PCDHA4: variants seen among roughly 807,000 people sequenced by gnomAD.
PCDHA4 encodes the protein protocadherin alpha-4.
PCDHA4 carries 49 observed loss-of-function variants against 61.4 expected under a neutral mutation model. The observed-to-expected ratio is 0.80, with a 90% confidence interval of 0.63 to 1.01. The LOEUF (loss-of-function observed/expected upper bound fraction) is 1.01. Among genes scored for constraint, PCDHA4 ranks in the 50% least tolerant of loss-of-function variants. The pLI is 0.00. For synonymous variants in PCDHA4, 590 were observed against 550.3 expected (o/e 1.07, Z -1.01); for missense variants, 1,254 against 1,235.8 (o/e 1.01, Z -0.22).
chr5:140,946,782 C>T (rs1225488337), intron 1 of PCDHA4, among the ~76,000 whole-genome samples: 1 of 151,104 alleles, frequency 6.6e-6, no homozygotes, highest in African/African-American at 2.4e-5. Flanking sequence ...TGTAAAAAAG[C>T]TGATCTTATA....
At chr5:140,906,041 A>T (rs1257569280) in intron 1 of PCDHA4, among the ~76,000 whole-genome samples, 1 of 152,128 alleles carries the variant, frequency 6.6e-6, no homozygotes, top group Non-Finnish European at 1.5e-5. Context: ...GTCTGCTTTT[A>T]TTCTGGCTGC....
intron 1 of PCDHA4, chr5:140,865,436 C>T (rs544302848): frequency 5.3e-5 from 8 of 152,322 alleles, no homozygotes; most frequent in Admixed American, 5.2e-4. Context: ...AGAAAAATAA[C>T]TTCTGAGAAG....
chr5:140,915,626 GTCTC>G (rs57920489), intron 1 of PCDHA4, among the ~76,000 whole-genome samples: 182 of 146,478 alleles, frequency 1.2e-3, no homozygotes, highest in East Asian at 9.3e-3. Flanking sequence ...GTCTCTTTCT[GTCTC>G]TCTCTCTCTC....
chr5:140,836,951 G>GT, intron 1 of PCDHA4: 1 of 428,426 alleles, frequency 2.3e-6, no homozygotes, highest in Non-Finnish European at 4.0e-6. Context: ...AAAATCTATG[G>GT]TTTATGTTGG....
chr5:140,877,698 C>T, intron 1 of PCDHA4: 2 of 1,613,958 alleles, frequency 1.2e-6, no homozygotes, highest in Non-Finnish European at 1.7e-6. Context: ...TGGTGTGCTC[C>T]AGCGCCGTGG....
chr5:140,989,350 T>G (rs188962457), intron 3 of PCDHA4, among the ~76,000 whole-genome samples: 17 of 152,274 alleles, frequency 1.1e-4, no homozygotes, highest in African/African-American at 3.9e-4. Context: ...TCAAAGGTGA[T>G]AGGTCACCTG....
chr5:140,892,910 C>T (rs1206176408), intron 1 of PCDHA4, among the ~76,000 whole-genome samples: 1 of 152,164 alleles, frequency 6.6e-6, no homozygotes, highest in Non-Finnish European at 1.5e-5. Context: ...TCCTCCTTTT[C>T]CTTCACCCTT....
intron 1 of PCDHA4, chr5:140,876,837 C>T (rs782753877): frequency 1.9e-6 from 3 of 1,614,148 alleles, no homozygotes; most frequent in Admixed American, 3.3e-5. Context: ...CGCCTGCGTT[C>T]GCGCAGCCCG....
chr5:140,881,510 A>G (rs2058738971), intron 1 of PCDHA4: 1 of 210,204 alleles, frequency 4.8e-6, no homozygotes, highest in Non-Finnish European at 8.3e-6. Context: ...ACACTCACAT[A>G]CAAAATCCCA....
At chr5:140,930,143 T>C (rs1375967730) in intron 1 of PCDHA4, 4 of 152,204 alleles carry the variant, frequency 2.6e-5, no homozygotes, top group Non-Finnish European at 5.9e-5. Context: ...ACCTTTTGTT[T>C]TGTGTTTCTA....
At position 140,853,409 on chromosome 5, in the gene PCDHA4, G is replaced by C. The variant is rs2042740384; in HGVS notation, c.2385+43837G>C. 1.0e-5 allele frequency: 10 copies of C among 985,968 alleles called. 2 individuals are homozygous for C. Among genetic ancestry groups the C allele is most frequent in the Non-Finnish European group, 1.2e-5 (10 of 818,342 alleles). 61.1% of individuals were successfully genotyped at this position (985,968 alleles called of 1,614,324 possible). On this transcript the variant is annotated intron_variant, in intron 1 of 3. Transcript: ENST00000530339. Reference sequence around the variant, plus strand: ...CAGCCTGTCAAGTTCAAAACAGAGAGGTGAAAGCAGAAGAGACACTTTCCT... The same window carrying C: ...CAGCCTGTCAAGTTCAAAACAGAGACGTGAAAGCAGAAGAGACACTTTCCT...
At position 140,807,223 on chromosome 5, in the gene PCDHA4, G is replaced by T; in HGVS notation, c.36G>T (p.Arg12=). ...EFSWGSGQES[R]RLLLLLLLLA... is the part of the protein sequence containing the mutation. ...CCTGGGGAAGCGGCCAGGAATCCCG[G>T]CGTCTGCTGCTCTTACTTCTTCTCC... The change falls in exon 1 of 4, where the codon CGG becomes CGT. Residue 12 remains arginine (R), a synonymous_variant. Coordinates refer to ENST00000530339, the MANE Select transcript of PCDHA4 (RefSeq NM_018907.4). The T allele has an allele frequency of 6.2e-7, 1 of 1,614,082 alleles. No individual in the cohort carries two copies. The highest frequency in any genetic ancestry group is 8.5e-7 in the Non-Finnish European group (1 of 1,179,950).
rs2150447816 is a variant in PCDHA4 at position 140,849,745 on chromosome 5, G to A, written c.2385+40173G>A. On this transcript the variant is annotated intron_variant, in intron 1 of 3. Coordinates refer to ENST00000530339, the MANE Select transcript of PCDHA4 (RefSeq NM_018907.4). Reference sequence around the variant, plus strand: ...CTGGACAGAGCTCTGGACCGCGAGAGTGTGTCCGCCTACGAGCTGGTGGTT... The same window carrying A: ...CTGGACAGAGCTCTGGACCGCGAGAATGTGTCCGCCTACGAGCTGGTGGTT... 2.6e-5 allele frequency: 41 copies of A among 1,598,346 alleles called. 3 individuals are homozygous for A. Among genetic ancestry groups the A allele is most frequent in the African/African-American group, 4.0e-5 (3 of 74,350 alleles).
intron 1 of PCDHA4, chr5:140,966,338 A>C (rs2095992774): frequency 2.5e-6 from 1 of 394,586 alleles, no homozygotes; most frequent in Non-Finnish European, 4.5e-6. Flanking sequence ...CGGCAGGTCC[A>C]GGGTGAAGGA....
At chr5:140,935,673 A>T (rs1462991962) in intron 1 of PCDHA4, among the ~76,000 whole-genome samples, 1 of 152,180 alleles carries the variant, frequency 6.6e-6, no homozygotes, top group Non-Finnish European at 1.5e-5. Flanking sequence ...AATTATGTGA[A>T]ATATTTACAT....
rs1554204719 is a variant in PCDHA4, at chr5:140,927,550, A to G, written c.2386-51399A>G. 4.3e-6 allele frequency: 7 copies of G among 1,614,020 alleles called. No homozygotes were observed. In the Admixed American group the frequency reaches 8.3e-5, roughly 19 times the overall value. ...TGCCCGCTCAGGAGACGCACAAGTC[A>G]CCATCATTGTGGTGGACACAAATGA... On this transcript the variant is annotated intron_variant, in intron 1 of 3. Coordinates refer to ENST00000530339, the MANE Select transcript of PCDHA4 (RefSeq NM_018907.4).
At position 141,010,838 on chromosome 5, in the gene PCDHA4, T is replaced by G. The variant is rs2154002200; in HGVS notation, c.*901T>G. 1.3e-5 allele frequency: 2 copies of G among 153,860 alleles called. No homozygotes were observed. The highest frequency in any genetic ancestry group is 2.9e-5 in the Non-Finnish European group (2 of 68,042). The allele number at this position is 153,860 out of a possible 1,614,324, so 9.5% of individuals were successfully genotyped here. On this transcript the variant is annotated 3_prime_UTR_variant, in exon 4 of 4. Coordinates refer to ENST00000530339, the MANE Select transcript of PCDHA4 (RefSeq NM_018907.4). ...TTTCGCTGTTTGTTGTTTCATAGAT[T>G]TATTTAAAAAAAGAGAAAGTCTATA...
intron 1 of PCDHA4, among the ~76,000 whole-genome samples, chr5:140,914,884 CCTG>C (rs2153531970): frequency 6.6e-6 from 1 of 151,782 alleles, no homozygotes; most frequent in East Asian, 1.9e-4. Flanking sequence ...ACTGTATCCT[CCTG>C]CTTTTAACTT....
chr5:140,927,008 TCTCCGCGGACTTGAGGCTGCCAG>T (rs782232084), intron 1 of PCDHA4: 1 of 1,612,514 alleles, frequency 6.2e-7, no homozygotes, highest in South Asian at 1.1e-5. Flanking sequence ...GTAGGCAATC[TCTCCGCGGACTTGAGGCTGCCAG>T]CGGCCGCTAT....
Sources: gnomAD v4.1 joint callset for allele counts (sites outside exome capture counted in the v4.1 genomes callset) on GRCh38, gnomAD v4.1.1 for gene constraint, MANE v1.5 for transcripts, NCBI Gene and HGNC (gene_info 2026-07-23, HGNC 2026-07-21) for gene names.